The following TAS2R1 variants were observed in gnomAD, a reference collection of about 807,000 sequenced individuals.
The protein encoded by TAS2R1 is taste 2 receptor member 1.
For synonymous variants in TAS2R1, 141 were observed against 134.2 expected, an observed-to-expected ratio of 1.05 and a Z score of -0.35; for missense variants, 370 against 353.4, an observed-to-expected ratio of 1.05 and a Z score of -0.38.
chr5:9,652,523 C>T (rs887552953), intron 2 of TAS2R1, among the ~76,000 whole-genome samples: 3 of 152,158 alleles, frequency 2.0e-5, no homozygotes, highest in African/African-American at 4.8e-5. Flanking sequence ...AGCCACAAGA[C>T]GGAAGGATGT....
the TAS2R1 span, among the ~76,000 whole-genome samples, chr5:9,873,959 AGAG>A: frequency 7.0e-6 from 1 of 141,984 alleles, no homozygotes. Context: ...CAGAAAGAAA[AGAG>A]AGAGAGAGAG....
intron 2 of TAS2R1, among the ~76,000 whole-genome samples, chr5:9,654,377 A>G (rs1032769617): frequency 7.9e-5 from 12 of 152,194 alleles, no homozygotes; most frequent in African/African-American, 2.9e-4. Context: ...CTAGCCTTCC[A>G]CCATTCCTTT....
At chr5:9,654,313 A>G (rs2126490670) in intron 2 of TAS2R1, among the ~76,000 whole-genome samples, 1 of 152,202 alleles carries the variant, frequency 6.6e-6, no homozygotes, top group Admixed American at 6.5e-5. Context: ...TTGTGCTGTT[A>G]TTTTCTTGGG....
chr5:9,633,699 G>C (rs575567917), upstream of TAS2R1, among the ~76,000 whole-genome samples: 1 of 151,950 alleles, frequency 6.6e-6, no homozygotes, highest in Non-Finnish European at 1.5e-5. Flanking sequence ...CTGATAATTA[G>C]TGATGTTGAG....
At chr5:9,903,655 C>T in the TAS2R1 span, 5 of 152,130 alleles carry the variant, frequency 3.3e-5, no homozygotes, top group Non-Finnish European at 7.4e-5. Flanking sequence ...TGGGCTGGTA[C>T]TGGAGAATGT....
At chr5:9,693,939 A>G (rs1017480876) in intron 1 of TAS2R1, among the ~76,000 whole-genome samples, 2 of 152,244 alleles carry the variant, frequency 1.3e-5, no homozygotes, top group African/African-American at 4.8e-5. Context: ...TAAACTGGCT[A>G]TTATAACGCA....
At chr5:9,693,555 GAAAA>G (rs1453837826) in intron 1 of TAS2R1, among the ~76,000 whole-genome samples, 1 of 133,792 alleles carries the variant, frequency 7.5e-6, no homozygotes, top group Non-Finnish European at 1.6e-5. Flanking sequence ...AAAAGAGAGA[GAAAA>G]AGAAAGAAAG....
intron 1 of TAS2R1, among the ~76,000 whole-genome samples, chr5:9,701,919 C>G (rs1741491938): frequency 6.6e-6 from 1 of 152,132 alleles, no homozygotes; most frequent in South Asian, 2.1e-4. Flanking sequence ...TATAAAGTTT[C>G]TGTTAGAGTG....
chr5:9,685,942 T>G (rs1741115370), intron 1 of TAS2R1, among the ~76,000 whole-genome samples: 1 of 152,234 alleles, frequency 6.6e-6, no homozygotes, highest in Non-Finnish European at 1.5e-5. Context: ...CTTGGCCCAC[T>G]GCAACCTCCA....
At chr5:9,757,982 G>A in the TAS2R1 span, among the ~76,000 whole-genome samples, 1 of 151,896 alleles carries the variant, frequency 6.6e-6, no homozygotes, top group Admixed American at 6.6e-5. Context: ...TTGAAACCAT[G>A]ATTATTAAAT....
At chr5:9,742,183 C>T in the TAS2R1 span, among the ~76,000 whole-genome samples, 1 of 152,172 alleles carries the variant, frequency 6.6e-6, no homozygotes, top group African/African-American at 2.4e-5. Flanking sequence ...CCACGTCTGG[C>T]CTGCACAAAC....
At chr5:9,686,386 TC>T (rs1471403271) in intron 1 of TAS2R1, among the ~76,000 whole-genome samples, 4 of 152,192 alleles carry the variant, frequency 2.6e-5, no homozygotes, top group Non-Finnish European at 5.9e-5. Flanking sequence ...AAGAATGTTA[TC>T]CCTCGGCATT....
the TAS2R1 span, among the ~76,000 whole-genome samples, chr5:9,879,163 G>T: frequency 6.6e-6 from 1 of 152,240 alleles, no homozygotes; most frequent in Non-Finnish European, 1.5e-5. Context: ...TTAATGCAAT[G>T]TTCTTTAAAA....
chr5:9,755,538 G>C, the TAS2R1 span, among the ~76,000 whole-genome samples: 1 of 140,318 alleles, frequency 7.1e-6, no homozygotes, highest in African/African-American at 2.6e-5. Flanking sequence ...AGTGAGCCAA[G>C]ATCGTGCCAT....
the TAS2R1 span, among the ~76,000 whole-genome samples, chr5:9,727,822 G>T: frequency 6.6e-6 from 1 of 152,180 alleles, no homozygotes; most frequent in Non-Finnish European, 1.5e-5. Flanking sequence ...GAGCTCCCAG[G>T]GCCCCAGTGA....
chr5:9,700,855 G>A (rs139317016), intron 1 of TAS2R1, among the ~76,000 whole-genome samples: 1 of 152,002 alleles, frequency 6.6e-6, no homozygotes, highest in Non-Finnish European at 1.5e-5. Flanking sequence ...TTAGATTTAA[G>A]ACCCATCCTA....
At chr5:9,879,965 G>A in the TAS2R1 span, among the ~76,000 whole-genome samples, 1 of 152,144 alleles carries the variant, frequency 6.6e-6, no homozygotes, top group Admixed American at 6.5e-5. Flanking sequence ...GGACAGAGAT[G>A]TTCCCCTGCA....
the TAS2R1 span, among the ~76,000 whole-genome samples, chr5:9,829,976 C>A: frequency 6.6e-6 from 1 of 152,168 alleles, no homozygotes; most frequent in Non-Finnish European, 1.5e-5. Flanking sequence ...TTGATCTTAT[C>A]TTTGTGACCT....
the TAS2R1 span, among the ~76,000 whole-genome samples, chr5:9,764,318 G>A: frequency 1.3e-5 from 2 of 152,162 alleles, no homozygotes; most frequent in Non-Finnish European, 2.9e-5. Context: ...GTAACACTCA[G>A]TTCTATAAAA....
Sources: allele counts gnomAD v4.1 joint callset (sites outside exome capture counted in the v4.1 genomes callset), GRCh38; gene constraint gnomAD v4.1.1; transcripts MANE v1.5; gene names NCBI Gene and HGNC (gene_info 2026-07-23, HGNC 2026-07-21).